Variants in CPNE5 observed in about 807,000 individuals in gnomAD.
CPNE5 encodes the protein copine-5.
Under a neutral mutation model 81.1 loss-of-function variants are expected in CPNE5, and 42 were observed. The observed-to-expected ratio is 0.52, with a 90% CI of 0.40 to 0.67. CPNE5 has a LOEUF of 0.67. Ranked by LOEUF, CPNE5 falls within the 30% of genes least tolerant of loss-of-function variation. CPNE5 has a pLI of 0.00. For synonymous variants in CPNE5, 313 were observed against 321.5 expected (o/e 0.97, Z 0.28); for missense variants, 612 against 815.5 (o/e 0.75, Z 3.04).
At chr6:36,749,647 T>C (rs756890456) in intron 14 of CPNE5, among the ~76,000 whole-genome samples, 2 of 141,736 alleles carry the variant, frequency 1.4e-5, no homozygotes, top group Non-Finnish European at 3.1e-5. Context: ...AGCAACATAG[T>C]GAGACCTCAA....
At chr6:36,761,393 T>C (rs890357741) in intron 12 of CPNE5, among the ~76,000 whole-genome samples, 1 of 152,230 alleles carries the variant, frequency 6.6e-6, no homozygotes, top group African/African-American at 2.4e-5. Context: ...GGCAGTGCCC[T>C]GGCCAGTGAG....
Position 36,839,083 on chromosome 6 carries a change from C to G in CPNE5, c.95+200G>C, listed in dbSNP as rs565668828. Among the ~76,000 whole-genome samples, 124 of 152,324 alleles carry G rather than the reference C, an allele frequency of 8.1e-4. No individual in the cohort carries two copies. The highest frequency in any genetic ancestry group is 2.9e-3 in the African/African-American group (122 of 41,562). On this transcript the variant is annotated intron_variant, in intron 1 of 20. Transcript: ENST00000244751. The surrounding 1 kb of genome is among the most constrained non-coding windows in gnomAD (Gnocchi z 7.3). ...GAGCGCAAACTTTCTGGGATATGAC[C>G]CCAGCCTGGCTTCCTATTCTGCCGT...
chr6:36,814,132 G>A (rs1771335527), intron 3 of CPNE5, among the ~76,000 whole-genome samples: 1 of 152,120 alleles, frequency 6.6e-6, no homozygotes. Context: ...GATGTCTTTA[G>A]GGACCAGATG....
At chr6:36,835,480 C>G (rs1773411360) in intron 1 of CPNE5, among the ~76,000 whole-genome samples, 1 of 152,138 alleles carries the variant, frequency 6.6e-6, no homozygotes, top group African/African-American at 2.4e-5. Context: ...CTGCCCTACT[C>G]ACTTCCAAAA....
At chr6:36,742,612 C>T in intron 20 of CPNE5, 126 bp from the exon 21 acceptor site, 9 of 1,464,102 alleles carry the variant, frequency 6.1e-6, no homozygotes, top group Non-Finnish European at 8.1e-6. Context: ...ATCCCCCCAC[C>T]TTTCTGAATT....
chr6:36,810,544 G>A (rs761329559), intron 3 of CPNE5, among the ~76,000 whole-genome samples: 10 of 152,340 alleles, frequency 6.6e-5, no homozygotes, highest in South Asian at 4.1e-4. Flanking sequence ...CCAGGTGGGG[G>A]CGCCCAGTGG....
At chr6:36,809,587 A>C (rs1234189254) in intron 3 of CPNE5, among the ~76,000 whole-genome samples, 1 of 152,148 alleles carries the variant, frequency 6.6e-6, no homozygotes, top group East Asian at 1.9e-4. Flanking sequence ...AAAACAAAAA[A>C]ACAAACAACA....
chr6:36,745,455 G>A lies in CPNE5; in HGVS notation c.1261C>T (p.Arg421Cys), dbSNP rs761457373. The change falls in exon 17 of 21, where the codon CGC becomes TGC. Residue 421 changes from arginine to cysteine, a missense_variant. Coordinates refer to ENST00000244751, the MANE Select transcript of CPNE5 (RefSeq NM_020939.2). ...GIDGILEAYH[R>C]SLRTVQLYGP... ...TACAGCTGCACAGTGCGCAGGCTGC[G>A]GTGGTAGGCCTCCAGGATGCCGTCG... The A allele has an allele frequency of 2.1e-5, 33 of 1,603,628 alleles. No homozygotes were observed. Among genetic ancestry groups the A allele is most frequent in the Admixed American group, 1.7e-4 (10 of 58,122 alleles).
At chr6:36,749,972 C>A (rs1369993918) in intron 14 of CPNE5, among the ~76,000 whole-genome samples, 1 of 152,234 alleles carries the variant, frequency 6.6e-6, no homozygotes, top group Non-Finnish European at 1.5e-5. Context: ...ATGGTTCTCA[C>A]ACGGCAGTGA....
At chr6:36,788,037 T>C (rs943466115) in intron 8 of CPNE5, among the ~76,000 whole-genome samples, 8 of 149,992 alleles carry the variant, frequency 5.3e-5, no homozygotes, top group African/African-American at 1.7e-4. Flanking sequence ...ACCTTTTCTT[T>C]TTTTTTTTTT....
intron 8 of CPNE5, among the ~76,000 whole-genome samples, chr6:36,791,764 G>A (rs964793435): frequency 1.3e-5 from 2 of 152,196 alleles, no homozygotes; most frequent in Admixed American, 1.3e-4. Context: ...GGAGGGGAGG[G>A]AGCCCTGGCA....
At chr6:36,770,073 G>T (rs556952888) in intron 10 of CPNE5, among the ~76,000 whole-genome samples, 1 of 152,318 alleles carries the variant, frequency 6.6e-6, no homozygotes, top group African/African-American at 2.4e-5. Flanking sequence ...TTCCAGGAAG[G>T]CAGGGGAAGT....
chr6:36,743,817 C>A, intron 19 of CPNE5, 55 bp from the exon 20 acceptor site: 1 of 1,465,960 alleles, frequency 6.8e-7, no homozygotes, highest in Non-Finnish European at 9.5e-7. Context: ...GACCCCTGGC[C>A]CTAGCAGGAG....
Position 36,775,066 on chromosome 6 carries a change from C to G in CPNE5, c.633-1G>C, listed in dbSNP as rs1015526451. 6.2e-7 allele frequency: 1 copy of G among 1,613,286 alleles called. No homozygotes were observed. The highest frequency in any genetic ancestry group is 1.7e-5 in the Admixed American group (1 of 60,020). On this transcript the variant is annotated splice_acceptor_variant, in intron 9 of 20. Coordinates refer to ENST00000244751, the MANE Select transcript of CPNE5 (RefSeq NM_020939.2). LOFTEE classifies it high-confidence loss of function. Reference sequence around the variant, plus strand: ...CTCGGTCTTGTGGCAAATGGTGAACCTGGTGAAGAAGAAGAGAGGGAAAGG... The same window carrying G: ...CTCGGTCTTGTGGCAAATGGTGAACGTGGTGAAGAAGAAGAGAGGGAAAGG...
Position 36,798,216 on chromosome 6 carries a change from G to T in CPNE5, c.353C>A (p.Thr118Asn). ...AGGGGACCCCACAATCTCTCCAAGG[G>T]TGCAGAAGGCCTGGCCCAGGAAATC... ...KHDFLGQAFC[T>N]LGEIVGSPGS... The change falls in exon 6 of 21, where the codon ACC (threonine) becomes AAC (asparagine). Residue 118 changes from threonine to asparagine, a missense_variant. Transcript: ENST00000244751. 1 of 1,613,852 alleles carries T rather than the reference G, an allele frequency of 6.2e-7. No individual in the cohort carries two copies. Among genetic ancestry groups the T allele is most frequent in the South Asian group, 1.1e-5 (1 of 91,014 alleles).
At chr6:36,763,242 G>A (rs751732896) in intron 11 of CPNE5, among the ~76,000 whole-genome samples, 3 of 152,188 alleles carry the variant, frequency 2.0e-5, no homozygotes, top group Admixed American at 6.5e-5. Context: ...TTGGATCCTT[G>A]TTTGAACAAG....
intron 10 of CPNE5, among the ~76,000 whole-genome samples, chr6:36,774,010 A>G (rs2150447791): frequency 6.6e-6 from 1 of 150,580 alleles, no homozygotes; most frequent in East Asian, 2.0e-4. Context: ...AAGCTGCAGT[A>G]AGCTGAAATC....
rs775848957 is a variant in CPNE5 at position 36,748,252 on chromosome 6, G to T, written c.987C>A (p.Phe329Leu). 1 of 1,614,154 alleles carries T rather than the reference G, an allele frequency of 6.2e-7. No individual in the cohort carries two copies. The highest frequency in any genetic ancestry group is 1.3e-5 in the African/African-American group (1 of 75,024). The stretch of plus-strand genomic sequence containing the variant: ...AGGCAGTGAAATCAATGGCCACAGT[G>T]AAGTTGATCTGGGTCCTAGAAGAGG... ...DYIKGGTQINFTVAIDFTASN... is the reference protein window; with the variant it reads ...DYIKGGTQINLTVAIDFTASN... Residue 329 changes from phenylalanine to leucine, a missense_variant, in exon 15 of 21, where the codon TTC (phenylalanine) becomes TTA (leucine). Coordinates refer to ENST00000244751, the MANE Select transcript of CPNE5 (RefSeq NM_020939.2).
intron 2 of CPNE5, 22 bp from the exon 3 acceptor site, chr6:36,822,182 T>TG: frequency 6.7e-7 from 1 of 1,489,490 alleles, no homozygotes; most frequent in Non-Finnish European, 9.0e-7. Context: ...GGAGAAACAG[T>TG]GGATTAATAC....
Sources: gnomAD v4.1 joint callset for allele counts (sites outside exome capture counted in the v4.1 genomes callset) on GRCh38, gnomAD v4.1.1 for gene constraint, Gnocchi (gnomAD v3.1) non-coding constraint, MANE v1.5 for transcripts, NCBI Gene and HGNC (gene_info 2026-07-23, HGNC 2026-07-21) for gene names.